Variants in DSTYK observed in about 807,000 individuals in gnomAD.
The protein encoded by DSTYK is RIP-homologous kinase.
Under a neutral mutation model 98.7 loss-of-function variants are expected in DSTYK, and 34 were observed. The observed-to-expected ratio is 0.34, with a 90% CI of 0.26 to 0.46. The LOEUF (loss-of-function observed/expected upper bound fraction) is 0.46. Among genes scored for constraint, DSTYK ranks in the 20% least tolerant of loss-of-function variants. The pLI, the probability that DSTYK is intolerant of heterozygous loss-of-function variation, is 1.00. For synonymous variants in DSTYK, 462 were observed against 457.3 expected (o/e 1.01, Z -0.13); for missense variants, 962 against 1,181.7 (o/e 0.81, Z 2.73).
chr1:205,172,082 G>A (rs927547014), intron 2 of DSTYK, among the ~76,000 whole-genome samples: 8 of 151,676 alleles, frequency 5.3e-5, no homozygotes, highest in East Asian at 3.9e-4. Flanking sequence ...TCAGCCTCCC[G>A]AGTAGCTGGG....
intron 10 of DSTYK, among the ~76,000 whole-genome samples, chr1:205,152,713 C>A (rs1657441918): frequency 6.6e-6 from 1 of 151,770 alleles, no homozygotes; most frequent in Non-Finnish European, 1.5e-5. Context: ...TGATTCAGCA[C>A]CTCTAATTAA....
At chr1:205,148,468 C>T (rs993645201) in intron 11 of DSTYK, 129 bp from the exon 12 acceptor site, 4 of 1,148,616 alleles carry the variant, frequency 3.5e-6, no homozygotes, top group Non-Finnish European at 4.9e-6. Context: ...CAATAACAAC[C>T]CTGCCAGGTA....
chr1:205,177,064 G>A (rs150690714), intron 2 of DSTYK, among the ~76,000 whole-genome samples: 33 of 151,770 alleles, frequency 2.2e-4, no homozygotes, highest in South Asian at 1.9e-3. Flanking sequence ...CAAATTAGCC[G>A]GGTATGGTGA....
In DSTYK at chr1:205,196,919, T is replaced by C. The variant is rs970150333; in HGVS notation, c.266-9113A>G. ...GATTACAAGCATGCACCACCATGCC[T>C]GGCTAATTTTTTTTTTTGTATTTTT... On this transcript the variant is annotated intron_variant, in intron 1 of 12. Coordinates refer to ENST00000367162, the MANE Select transcript of DSTYK (RefSeq NM_015375.3). 2.0e-5 allele frequency among the ~76,000 whole-genome samples: 3 copies of C among 151,964 alleles called. No individual in the cohort carries two copies. The East Asian group carries it at 5.8e-4, about 29-fold the overall frequency.
Position 205,211,325 on chromosome 1 carries a change from C to T in DSTYK, c.211G>A (p.Gly71Ser), listed in dbSNP as rs113488459. The T allele has an allele frequency of 1.2e-4, 187 of 1,611,016 alleles. 1 individual carries two copies. In the African/African-American group the frequency reaches 2.0e-3, roughly 17 times the overall value. ...CCTGCAGGGCCGCGCTCGGCCCCGC[C>T]GCCGCCCGTGAGGGAGGAGAGACAA... The part of the protein sequence containing the change: ...HTCLSSLTGG[G>S]GAERGPAGDV... The change falls in exon 1 of 13, where the codon GGC becomes AGC. Residue 71 changes from glycine to serine, a missense_variant. Coordinates refer to ENST00000367162, the MANE Select transcript of DSTYK (RefSeq NM_015375.3).
chr1:205,199,805 C>T (rs1035188461), intron 1 of DSTYK, among the ~76,000 whole-genome samples: 1 of 152,110 alleles, frequency 6.6e-6, no homozygotes, highest in Non-Finnish European at 1.5e-5. Flanking sequence ...GCAAATTAAC[C>T]TTAGGTTTTA....
In DSTYK at chr1:205,159,634, G is replaced by A. The variant is rs745875225; in HGVS notation, c.2151C>T (p.Val717=). The A allele has an allele frequency of 2.5e-6, 4 of 1,613,842 alleles. No homozygotes were observed. The highest frequency in any genetic ancestry group is 3.4e-6 in the Non-Finnish European group (4 of 1,179,990). The change falls in exon 9 of 13, where the codon GTC becomes GTT. Residue 717 remains valine (V), a synonymous_variant. Transcript: ENST00000367162. ...HERLVDLHGS[V]IDYNYGGGSS... Reference sequence around the variant, plus strand: ...AGCCACCACCATAGTTGTAGTCAATGACTGAACCATGGAGATCCACCAATC... The same window carrying A: ...AGCCACCACCATAGTTGTAGTCAATAACTGAACCATGGAGATCCACCAATC...
At chr1:205,201,802 G>A (rs991904594) in intron 1 of DSTYK, among the ~76,000 whole-genome samples, 1 of 152,184 alleles carries the variant, frequency 6.6e-6, no homozygotes, top group African/African-American at 2.4e-5. Flanking sequence ...GTTCACACCG[G>A]TAATGCCAGC....
At chr1:205,210,999 C>A (rs972953400) in intron 1 of DSTYK, among the ~76,000 whole-genome samples, 1 of 152,208 alleles carries the variant, frequency 6.6e-6, no homozygotes, top group African/African-American at 2.4e-5. Flanking sequence ...TCAGCGCACA[C>A]CCCGGTCCCC....
intron 2 of DSTYK, among the ~76,000 whole-genome samples, chr1:205,170,555 G>A (rs187392745): frequency 6.6e-6 from 1 of 152,276 alleles, no homozygotes; most frequent in Admixed American, 6.5e-5. Context: ...AGCAGGAAAC[G>A]AAAAGCCAGG....
In DSTYK at chr1:205,211,318, G is replaced by C; in HGVS notation, c.218C>G (p.Ala73Gly). The C allele has an allele frequency of 6.2e-7, 1 of 1,610,772 alleles. No homozygotes were observed. The highest frequency in any genetic ancestry group is 8.5e-7 in the Non-Finnish European group (1 of 1,178,796). ...CLSSLTGGGG[A>G]ERGPAGDVAE... is the part of the protein sequence containing the mutation. The stretch of plus-strand genomic sequence containing the variant: ...GACATCGCCTGCAGGGCCGCGCTCG[G>C]CCCCGCCGCCGCCCGTGAGGGAGGA... The change falls in exon 1 of 13, where the codon GCC becomes GGC. Residue 73 changes from alanine to glycine, a missense_variant. Physicochemically the swap from Ala to Gly is moderately conservative, Grantham distance 60 (BLOSUM62 0). Transcript: ENST00000367162.
intron 10 of DSTYK, among the ~76,000 whole-genome samples, chr1:205,155,494 C>A (rs1657530757): frequency 6.6e-6 from 1 of 151,590 alleles, no homozygotes; most frequent in African/African-American, 2.4e-5. Flanking sequence ...CATGGCAAAA[C>A]CCTGTCTCTA....
chr1:205,198,199 A>AG (rs1296371177), intron 1 of DSTYK, among the ~76,000 whole-genome samples: 38 of 152,034 alleles, frequency 2.5e-4, no homozygotes, highest in Non-Finnish European at 4.6e-4. Flanking sequence ...GTCTCAAAAA[A>AG]AAAAGAAAGA....
intron 1 of DSTYK, among the ~76,000 whole-genome samples, chr1:205,208,081 T>C (rs983776527): frequency 4.6e-5 from 7 of 152,210 alleles, no homozygotes; most frequent in African/African-American, 1.4e-4. Flanking sequence ...GGTTTCTCCA[T>C]GTTGGCCAGG....
chr1:205,173,713 C>A (rs1041293335), intron 2 of DSTYK, among the ~76,000 whole-genome samples: 1 of 151,612 alleles, frequency 6.6e-6, no homozygotes, highest in Non-Finnish European at 1.5e-5. Flanking sequence ...TTTGTAAGAC[C>A]AATACGGTTG....
chr1:205,150,863 CTCAA>C lies in DSTYK; in HGVS notation c.2353-73_2353-70del. 3.2e-6 allele frequency: 4 copies of C among 1,233,616 alleles called. No individual in the cohort carries two copies. Among genetic ancestry groups the C allele is most frequent in the Non-Finnish European group, 3.6e-6 (3 of 839,420 alleles). 76.4% of individuals were successfully genotyped at this position (1,233,616 alleles called of 1,614,324 possible). A position where few individuals can be genotyped will look rare whatever the true frequency, so the allele number is the denominator to read the frequency against. On this transcript the variant is annotated intron_variant, in intron 10 of 12. Coordinates refer to ENST00000367162, the MANE Select transcript of DSTYK (RefSeq NM_015375.3). This position sits in a 1 kb window ranked among gnomAD's most constrained non-coding sequence, Gnocchi z 4.1. ...CACACAGCACTGCTGCGTACCTAAG[CTCAA>C]AGGTAGGTACCTCAAAGTAGTGTCA...
intron 2 of DSTYK, among the ~76,000 whole-genome samples, chr1:205,174,129 A>C (rs111587106): frequency 0.02 from 3,030 of 152,198 alleles, 99 homozygotes; most frequent in African/African-American, 0.068. Flanking sequence ...CTGTAATCCC[A>C]GCACTCTGGG....
chr1:205,159,651 C>G lies in DSTYK; in HGVS notation c.2134G>C (p.Asp712His). ...TAGTCAATGACTGAACCATGGAGATCCACCAATCGCTCATGCTTCGGCAGA... is the reference window on the plus strand; with the variant it reads ...TAGTCAATGACTGAACCATGGAGATGCACCAATCGCTCATGCTTCGGCAGA... ...RSLPKHERLV[D>H]LHGSVIDYNY... The change falls in exon 9 of 13, where the codon GAT becomes CAT. Residue 712 changes from aspartate to histidine, a missense_variant. Coordinates refer to ENST00000367162, the MANE Select transcript of DSTYK (RefSeq NM_015375.3). 6.2e-7 allele frequency: 1 copy of G among 1,613,666 alleles called. No individual in the cohort carries two copies. The highest frequency in any genetic ancestry group is 1.1e-5 in the South Asian group (1 of 91,054).
intron 2 of DSTYK, among the ~76,000 whole-genome samples, chr1:205,175,388 G>A (rs1001201731): frequency 3.3e-5 from 5 of 152,046 alleles, no homozygotes; most frequent in African/African-American, 9.7e-5. Context: ...CACCGTGCCC[G>A]CCAGAAGCTG....
Sources: gnomAD v4.1 joint callset for allele counts (sites outside exome capture counted in the v4.1 genomes callset) on GRCh38, gnomAD v4.1.1 for gene constraint, Gnocchi (gnomAD v3.1) non-coding constraint, MANE v1.5 for transcripts, NCBI Gene and HGNC (gene_info 2026-07-23, HGNC 2026-07-21) for gene names.